The following JAG2 variants were observed in gnomAD, a reference collection of about 807,000 sequenced individuals.
The protein encoded by JAG2 is protein jagged-2.
JAG2 carries 46 observed loss-of-function variants against 141.7 expected under a neutral mutation model. The observed-to-expected ratio is 0.32, with a 90% CI of 0.26 to 0.42. JAG2 has a LOEUF of 0.42. JAG2 is among the 10% of genes least tolerant of loss of function. The probability of loss-of-function intolerance (pLI) is 1.00; values close to 1 mark genes in which losing one functional copy is unlikely to be tolerated. For missense variants in JAG2, 1,500 were observed against 1,817.5 expected, an observed-to-expected ratio of 0.83 and a Z score of 3.18; for synonymous variants, 862 against 763.5, an observed-to-expected ratio of 1.13 and a Z score of -2.13.
In JAG2 at chr14:105,148,730, T is replaced by C; in HGVS notation, c.2020+15A>G. ...TGGAGGCACAGGCCGTGTGGGCGGG[T>C]GCTGGAACACTCACTGGTGTCGCAG... On this transcript the variant is annotated intron_variant, in intron 15 of 25. Transcript: ENST00000331782. 6.5e-7 allele frequency: 1 copy of C among 1,547,546 alleles called. No homozygotes were observed. Among genetic ancestry groups the C allele is most frequent in the Non-Finnish European group, 8.7e-7 (1 of 1,144,706 alleles).
chr14:105,168,372 GC>G lies in JAG2; in HGVS notation c.48del (p.Leu17TrpfsTer18). On this transcript the variant is annotated frameshift_variant, in exon 1 of 26. Transcript: ENST00000331782. LOFTEE classifies it high-confidence loss of function. ...RGRLPRRLLL[L>X]LALWVQAARP... ...CCGCTCACCTGCACCCAGAGCGCCA[GC>G]AGCAGCAGCAGCCGCCGGGGAAGGC... is the stretch of plus-strand genomic sequence containing the variant. The G allele has an allele frequency of 1.2e-6, 1 of 839,010 alleles. No homozygotes were observed. Among genetic ancestry groups the G allele is most frequent in the Non-Finnish European group, 1.5e-6 (1 of 670,318 alleles). 52.0% of individuals were successfully genotyped at this position (839,010 alleles called of 1,614,324 possible). A position where few individuals can be genotyped will look rare whatever the true frequency, so the allele number is the denominator to read the frequency against.
At chr14:105,153,134 G>C (rs1888485389) in intron 5 of JAG2, among the ~76,000 whole-genome samples, 1 of 152,148 alleles carries the variant, frequency 6.6e-6, no homozygotes, top group Non-Finnish European at 1.5e-5. Context: ...CCTGCAGGAC[G>C]GGAATGTCAT....
chr14:105,165,979 C>T (rs587737347), intron 2 of JAG2, among the ~76,000 whole-genome samples: 38 of 152,320 alleles, frequency 2.5e-4, no homozygotes, highest in Admixed American at 1.6e-3. Context: ...GCTGGCATCA[C>T]GGCACAGCTC....
rs1888077106 is a variant in JAG2 at position 105,142,187 on chromosome 14, CCCA to C, written c.*505_*507del. On this transcript the variant is annotated 3_prime_UTR_variant, in exon 26 of 26. Transcript: ENST00000331782. ...CAGGGTCCCACCGACCACCGTAGGT[CCCA>C]CCGACAGCCACAGGTCCCATTGACA... 6.2e-6 allele frequency: 1 copy of C among 162,340 alleles called. No homozygotes were observed. The highest frequency in any genetic ancestry group is 1.8e-4 in the South Asian group (1 of 5,630). 10.1% of individuals were successfully genotyped at this position (162,340 alleles called of 1,614,324 possible).
intron 2 of JAG2, among the ~76,000 whole-genome samples, chr14:105,162,900 G>A (rs1167327352): frequency 3.1e-5 from 4 of 129,488 alleles, no homozygotes; most frequent in East Asian, 2.1e-4. Context: ...CTAAGTCCAC[G>A]GCACCCCACT....
chr14:105,164,728 G>A (rs1888859479), intron 2 of JAG2, among the ~76,000 whole-genome samples: 1 of 152,172 alleles, frequency 6.6e-6, no homozygotes, highest in South Asian at 2.1e-4. Flanking sequence ...AGGCTGGGAA[G>A]GGGAGGAACT....
intron 2 of JAG2, among the ~76,000 whole-genome samples, chr14:105,164,660 G>A (rs1397368343): frequency 6.6e-6 from 1 of 152,164 alleles, no homozygotes; most frequent in African/African-American, 2.4e-5. Flanking sequence ...GCGGCTGGAT[G>A]CAGGGGGTGG....
At chr14:105,147,966 C>G in intron 17 of JAG2, 78 bp from the exon 18 acceptor site, 1 of 1,226,794 alleles carries the variant, frequency 8.2e-7, no homozygotes, top group Non-Finnish European at 1.2e-6. Context: ...GCCCCCAACC[C>G]AGACAGGGCA....
chr14:105,142,637 G>T lies in JAG2; in HGVS notation c.*58C>A. 1 of 1,363,606 alleles carries T rather than the reference G, an allele frequency of 7.3e-7. No individual in the cohort carries two copies. 84.5% of individuals were successfully genotyped at this position (1,363,606 alleles called of 1,614,324 possible). A position where few individuals can be genotyped will look rare whatever the true frequency, so the allele number is the denominator to read the frequency against. ...GCACATGGCCTCGGCCTCCGGGTCC[G>T]GCAGACGGCATGGCTCCCACCGAGG... is the stretch of plus-strand genomic sequence containing the variant. On this transcript the variant is annotated 3_prime_UTR_variant, in exon 26 of 26. Transcript: ENST00000331782.
intron 7 of JAG2, 32 bp from the exon 8 acceptor site, chr14:105,151,771 C>T (rs768999294): frequency 1.3e-6 from 2 of 1,598,356 alleles, no homozygotes; most frequent in Admixed American, 3.4e-5. Flanking sequence ...GCAGAGCTGG[C>T]AGCCAGGCCC....
At chr14:105,156,609 G>C (rs1888591868) in intron 3 of JAG2, among the ~76,000 whole-genome samples, 1 of 152,180 alleles carries the variant, frequency 6.6e-6, no homozygotes. Context: ...TGCTGGCGCT[G>C]GTATGCAAAG....
chr14:105,142,858 C>T lies in JAG2; in HGVS notation c.3554G>A (p.Arg1185His), dbSNP rs751204964. 29 of 1,608,022 alleles carry T rather than the reference C, an allele frequency of 1.8e-5. No individual in the cohort carries two copies. The highest frequency in any genetic ancestry group is 1.7e-4 in the Middle Eastern group (1 of 6,058). The change falls in exon 26 of 26, where the codon CGC (arginine) becomes CAC (histidine). Residue 1185 changes from arginine to histidine, a missense_variant. Transcript: ENST00000331782. ...CGCCTCCAGGGAGTCCTCCTCACCG[C>T]GGCCCAGATCCTCGTCCTCCTCATC... ...REDEEDEDLG[R>H]GEEDSLEAEK...
intron 2 of JAG2, among the ~76,000 whole-genome samples, chr14:105,159,668 C>T (rs1888676108): frequency 7.6e-6 from 1 of 132,204 alleles, no homozygotes; most frequent in Non-Finnish European, 1.6e-5. Flanking sequence ...CCAACAGGCT[C>T]CATCACCTCC....
rs762540989 is a variant in JAG2, at chr14:105,151,998, C to T, written c.979G>A (p.Glu327Lys). The T allele has an allele frequency of 3.7e-6, 6 of 1,613,358 alleles. No homozygotes were observed. The highest frequency in any genetic ancestry group is 2.2e-5 in the East Asian group (1 of 44,878). The change falls in exon 7 of 26, where the codon GAG (glutamate) becomes AAG (lysine). Residue 327 changes from glutamate (E) to lysine (K), a missense_variant. Coordinates refer to ENST00000331782, the MANE Select transcript of JAG2 (RefSeq NM_002226.5). ...CAGGTGCAGCGGTACTGGTCAGGCT[C>T]GGCGTTGATGCACGTGCCTCCGTTG... ...CTNGGTCINA[E>K]PDQYRCTCPD... is the part of the protein sequence containing the mutation.
chr14:105,143,535 A>G lies in JAG2; in HGVS notation c.3188T>C (p.Leu1063Pro). The change falls in exon 25 of 26, where the codon CTG (leucine) becomes CCG (proline). Residue 1063 changes from leucine to proline, a missense_variant. Leu to Pro is a moderately conservative substitution (Grantham distance 98, BLOSUM62 -3). Around this residue, in one of 3 missense-constraint regions of JAG2, gnomAD observed 425 missense variants for 441.0 expected, o/e 0.96. Coordinates refer to ENST00000331782, the MANE Select transcript of JAG2 (RefSeq NM_002226.5). Reference sequence around the variant, plus strand: ...CTCCACCTTGACCTCGGTGACAGCCAGGAGCAGTGAGCTGTTCCCCCGCTG... The same window carrying G: ...CTCCACCTTGACCTCGGTGACAGCCGGGAGCAGTGAGCTGTTCCCCCGCTG... ...ITQRGNSSLL[L>P]AVTEVKVETV... is the part of the protein sequence containing the mutation. 1 of 1,590,066 alleles carries G rather than the reference A, an allele frequency of 6.3e-7. No homozygotes were observed. Among genetic ancestry groups the G allele is most frequent in the East Asian group, 2.3e-5 (1 of 44,140 alleles).
chr14:105,168,333 CCG>C lies in JAG2; in HGVS notation c.66+20_66+21del. On this transcript the variant is annotated intron_variant, in intron 1 of 25. Transcript: ENST00000331782. ...CGGTGTGCCCCGTCCGCGACCCCCGCCGCCCCCGCCGCCCCGCTCACCTGCAC... is the reference window on the plus strand; with the variant it reads ...CGGTGTGCCCCGTCCGCGACCCCCGCCCCCCGCCGCCCCGCTCACCTGCAC... The C allele has an allele frequency of 1.2e-6, 1 of 820,490 alleles. No individual in the cohort carries two copies. Among genetic ancestry groups the C allele is most frequent in the Non-Finnish European group, 1.5e-6 (1 of 663,936 alleles). The allele number at this position is 820,490 out of a possible 1,614,324, so 50.8% of individuals were successfully genotyped here.
At position 105,155,640 on chromosome 14, in the gene JAG2, C is replaced by T. The variant is rs760954215; in HGVS notation, c.728-18G>A. 14 of 1,612,452 alleles carry T rather than the reference C, an allele frequency of 8.7e-6. No homozygotes were observed. Among genetic ancestry groups the T allele is most frequent in the South Asian group, 2.2e-5 (2 of 91,088 alleles). The stretch of plus-strand genomic sequence containing the variant: ...ACACACAGCTGCGAACAGAGAGGAG[C>T]GAGAGGCACAGCTGCAGCCAGCCTG... On this transcript the variant is annotated intron_variant, in intron 4 of 25. Transcript: ENST00000331782.
intron 5 of JAG2, among the ~76,000 whole-genome samples, chr14:105,153,034 G>C (rs1490580877): frequency 6.6e-6 from 1 of 151,584 alleles, no homozygotes; most frequent in Non-Finnish European, 1.5e-5. Flanking sequence ...CTCCGTCAGG[G>C]GAGAGAGCCT....
chr14:105,144,767 C>T (rs1008264881), intron 24 of JAG2, among the ~76,000 whole-genome samples, 163 bp downstream of exon 24: 2 of 152,214 alleles, frequency 1.3e-5, no homozygotes, highest in South Asian at 2.1e-4. Context: ...AGCAGTTCCA[C>T]GGGTCTGCGG....
Sources: allele counts gnomAD v4.1 joint callset (sites outside exome capture counted in the v4.1 genomes callset), GRCh38; gene constraint gnomAD v4.1.1; regional missense constraint gnomAD v4.1.1; transcripts MANE v1.5; gene names NCBI Gene and HGNC (gene_info 2026-07-23, HGNC 2026-07-21).